NCAPD2: variants seen among roughly 807,000 people sequenced by gnomAD.
NCAPD2 encodes the protein non-SMC condensin I complex subunit D2.
A neutral mutation model predicts 164.5 loss-of-function variants in NCAPD2; 100 were observed. The observed-to-expected ratio is 0.61, with a 90% confidence interval of 0.52 to 0.72. The LOEUF (loss-of-function observed/expected upper bound fraction) is 0.72, where lower values mean the gene tolerates loss of function less well. NCAPD2 is among the 30% of genes least tolerant of loss of function. The pLI, the probability that NCAPD2 is intolerant of heterozygous loss-of-function variation, is 0.00. For synonymous variants in NCAPD2, 585 were observed against 642.6 expected, an observed-to-expected ratio of 0.91 and a Z score of 1.36; for missense variants, 1,560 against 1,749.2, an observed-to-expected ratio of 0.89 and a Z score of 1.93.
chr12:6,525,480 T>TA, intron 17 of NCAPD2, 103 bp from the exon 18 acceptor site: 1 of 1,337,786 alleles, frequency 7.5e-7, no homozygotes, highest in Non-Finnish European at 1.0e-6. Flanking sequence ...TCCTAAGTAT[T>TA]ACTTTTGTCT....
In NCAPD2 at chr12:6,529,786, A is replaced by G. The variant is rs1019200749; in HGVS notation, c.3665A>G (p.Gln1222Arg). 6.2e-7 allele frequency: 1 copy of G among 1,613,084 alleles called. No individual in the cohort carries two copies. Among genetic ancestry groups the G allele is most frequent in the African/African-American group, 1.3e-5 (1 of 74,936 alleles). ...CTTCCTATCTGCAGAACTGAGCGGC[A>G]GCAGCGAGACCTGGCCTACTGTGTG... ...QRFRTSRTER[Q>R]QRDLAYCVSQ... Residue 1222 changes from glutamine to arginine, a missense_variant, in exon 29 of 32, where the codon CAG (glutamine) becomes CGG (arginine). Transcript: ENST00000315579.
chr12:6,510,984 G>A, intron 5 of NCAPD2, 126 bp from the exon 6 acceptor site: 1 of 1,299,574 alleles, frequency 7.7e-7, no homozygotes, highest in Non-Finnish European at 1.1e-6. Flanking sequence ...TGTGGAACTT[G>A]TAATATTTCT....
chr12:6,517,620 C>T lies in NCAPD2; in HGVS notation c.1345C>T (p.Pro449Ser). The T allele has an allele frequency of 6.2e-7, 1 of 1,614,230 alleles. No individual in the cohort carries two copies. Among genetic ancestry groups the T allele is most frequent in the Non-Finnish European group, 8.5e-7 (1 of 1,180,048 alleles). ...GCTTAGTGATGCTGACCTTGCCGGA[C>T]CACTGCAGAAGGAGACCCAGAAATT... ...CKLSDADLAG[P>S]LQKETQKLQE... Residue 449 changes from proline (P) to serine (S), a missense_variant, in exon 12 of 32, where the codon CCA becomes TCA. Pro to Ser is a moderately conservative substitution (Grantham distance 74). Coordinates refer to ENST00000315579, the MANE Select transcript of NCAPD2 (RefSeq NM_014865.4).
intron 6 of NCAPD2, among the ~76,000 whole-genome samples, chr12:6,512,172 T>C (rs1946155520): frequency 6.7e-6 from 1 of 148,626 alleles, no homozygotes; most frequent in Non-Finnish European, 1.5e-5. Flanking sequence ...CTCAGGAGGC[T>C]GAGGCAGGAG....
intron 2 of NCAPD2, among the ~76,000 whole-genome samples, chr12:6,498,002 G>T (rs7310452): frequency 6.6e-6 from 1 of 151,076 alleles, no homozygotes; most frequent in African/African-American, 2.4e-5. Flanking sequence ...GGCTCCATCC[G>T]AGCTCACTGC....
rs878865308 is a variant in NCAPD2 at position 6,530,597 on chromosome 12, C to G, written c.3838-94C>G. ...CTCACCTTGGCTTCTTAGTAATGTG[C>G]GTTTAAGGCCTCCATGTCTTCCATG... On this transcript the variant is annotated intron_variant, in intron 29 of 31. Transcript: ENST00000315579. 3.6e-5 allele frequency: 55 copies of G among 1,513,922 alleles called. No individual in the cohort carries two copies. The South Asian group carries it at 6.8e-4, about 19-fold the overall frequency. 93.8% of individuals were successfully genotyped at this position (1,513,922 alleles called of 1,614,324 possible). A position where few individuals can be genotyped will look rare whatever the true frequency, so the allele number is the denominator to read the frequency against.
At chr12:6,516,482 A>G (rs942425652) in intron 9 of NCAPD2, among the ~76,000 whole-genome samples, 5 of 152,214 alleles carry the variant, frequency 3.3e-5, no homozygotes, top group Admixed American at 2.6e-4. Flanking sequence ...AGCCTGGGCA[A>G]CAGAGCAAGA....
intron 2 of NCAPD2, among the ~76,000 whole-genome samples, chr12:6,495,680 A>G (rs1193298978): frequency 2.0e-5 from 3 of 152,214 alleles, no homozygotes; most frequent in African/African-American, 7.2e-5. Context: ...CAATATATGT[A>G]CAGTGCAGTC....
At chr12:6,504,218 G>GAT (rs1592166286) in intron 2 of NCAPD2, among the ~76,000 whole-genome samples, 1 of 29,950 alleles carries the variant, frequency 3.3e-5, no homozygotes, top group East Asian at 1.7e-3. Context: ...TATATATATA[G>GAT]ATATAGATAT....
At chr12:6,519,947 G>C (rs10849480) in intron 13 of NCAPD2, among the ~76,000 whole-genome samples, 76,440 of 151,706 alleles carry the variant, frequency 0.5, 19,617 homozygotes, top group African/African-American at 0.59. Context: ...CCCAAAGCTG[G>C]TGGATCTCTT....
In NCAPD2 at chr12:6,521,055, C is replaced by T. The variant is rs1435342480; in HGVS notation, c.1659C>T (p.Asp553=). 1 of 1,614,124 alleles carries T rather than the reference C, an allele frequency of 6.2e-7. No homozygotes were observed. Among genetic ancestry groups the T allele is most frequent in the South Asian group, 1.1e-5 (1 of 91,080 alleles). Residue 553 remains aspartate, a synonymous_variant, in exon 14 of 32, where the codon GAC becomes GAT. Transcript: ENST00000315579. The part of the protein sequence containing the change: ...FQESEPFSHI[D]PEESEETRLL... ...AGTCCGAACCCTTCAGTCATATAGA[C>T]CCAGAGGAGTCAGAGGAGACCAGGC...
At chr12:6,504,613 A>G (rs1242419301) in intron 2 of NCAPD2, among the ~76,000 whole-genome samples, 3 of 152,034 alleles carry the variant, frequency 2.0e-5, no homozygotes, top group Middle Eastern at 3.2e-3. Context: ...GCTGGTCTCA[A>G]TCTCCTGACC....
chr12:6,505,015 A>G (rs74576183), intron 2 of NCAPD2, among the ~76,000 whole-genome samples: 3,536 of 152,286 alleles, frequency 0.023, 116 homozygotes, highest in East Asian at 0.12. Context: ...ATACTGCTTT[A>G]GACACATGAA....
At chr12:6,503,770 ATTT>A (rs66934244) in intron 2 of NCAPD2, among the ~76,000 whole-genome samples, 53 of 139,062 alleles carry the variant, frequency 3.8e-4, no homozygotes, top group East Asian at 8.5e-4. Flanking sequence ...GACTCCATCT[ATTT>A]TTTTTTTTTT....
In NCAPD2 at chr12:6,531,782, C is replaced by A; in HGVS notation, c.*370C>A. On this transcript the variant is annotated 3_prime_UTR_variant, in exon 32 of 32. Transcript: ENST00000315579. This position sits in a 1 kb window ranked among gnomAD's most constrained non-coding sequence, Gnocchi z 4.1. ...TCACACCATTGCACTCCAGCTTGGG[C>A]AACAATAGCGAACCTCCATCTCAAA... The A allele has an allele frequency of 8.0e-6, 2 of 249,232 alleles. No homozygotes were observed. Among genetic ancestry groups the A allele is most frequent in the Non-Finnish European group, 8.0e-6 (1 of 125,676 alleles). 15.4% of individuals were successfully genotyped at this position (249,232 alleles called of 1,614,324 possible). A position where few individuals can be genotyped will look rare whatever the true frequency, so the allele number is the denominator to read the frequency against.
intron 2 of NCAPD2, among the ~76,000 whole-genome samples, chr12:6,502,660 A>G (rs1946048777): frequency 6.6e-6 from 1 of 151,960 alleles, no homozygotes; most frequent in South Asian, 2.1e-4. Flanking sequence ...AAATTAAGAT[A>G]GATATAAGGC....
Position 6,514,338 on chromosome 12 carries a change from G to T in NCAPD2, c.661G>T (p.Glu221Ter). 1.2e-6 allele frequency: 2 copies of T among 1,613,678 alleles called. No individual in the cohort carries two copies. The highest frequency in any genetic ancestry group is 1.7e-6 in the Non-Finnish European group (2 of 1,180,022). ...INHQKNRPTREAITHLLGVAL... is the reference protein window; with the variant it reads ...INHQKNRPTR The stretch of plus-strand genomic sequence containing the variant: ...TCACCAGAAGAACCGCCCCACTCGG[G>T]AAGCCATAACACACCTGCTTGGTGT... The change falls in exon 7 of 32, where the codon GAA becomes TAA. Residue 221 changes from glutamate to a stop codon, truncating the protein, a stop_gained. Coordinates refer to ENST00000315579, the MANE Select transcript of NCAPD2 (RefSeq NM_014865.4). LOFTEE classifies it high-confidence loss of function.
chr12:6,531,129 A>G lies in NCAPD2; in HGVS notation c.4120+53A>G. 1 of 1,605,984 alleles carries G rather than the reference A, an allele frequency of 6.2e-7. No homozygotes were observed. ...GAGAAGGCACACAGCTAGGGTGCAG[A>G]GGGCTGGTTTCCATAGGACCTGCTG... On this transcript the variant is annotated intron_variant, in intron 31 of 31. Transcript: ENST00000315579. This position sits in a 1 kb window ranked among gnomAD's most constrained non-coding sequence, Gnocchi z 4.1.
At chr12:6,508,581 G>C (rs936300699) in intron 2 of NCAPD2, among the ~76,000 whole-genome samples, 12 of 152,144 alleles carry the variant, frequency 7.9e-5, no homozygotes, top group African/African-American at 2.7e-4. Flanking sequence ...GAATAATAGA[G>C]ATAGAAAATC....
Sources: gnomAD v4.1 joint callset for allele counts (sites outside exome capture counted in the v4.1 genomes callset) on GRCh38, gnomAD v4.1.1 for gene constraint, Gnocchi (gnomAD v3.1) non-coding constraint, MANE v1.5 for transcripts, NCBI Gene and HGNC (gene_info 2026-07-23, HGNC 2026-07-21) for gene names.